The following FOCAD variants were observed in gnomAD, a reference collection of about 807,000 sequenced individuals.
The protein encoded by FOCAD is KIAA1797.
FOCAD carries 198 observed loss-of-function variants against 225.6 expected under a neutral mutation model. The observed-to-expected ratio is 0.88, with a 90% confidence interval of 0.78 to 0.99. The LOEUF (loss-of-function observed/expected upper bound fraction) is 0.99. Ranked by LOEUF, FOCAD falls within the 50% of genes least tolerant of loss-of-function variation. FOCAD has a pLI of 0.00. For synonymous variants in FOCAD, 897 were observed against 755.0 expected, an observed-to-expected ratio of 1.19 and a Z score of -3.08; for missense variants, 2,713 against 2,123.6, an observed-to-expected ratio of 1.28 and a Z score of -5.46.
chr9:20,903,592 C>T (rs1405267374), intron 21 of FOCAD, among the ~76,000 whole-genome samples: 2 of 151,820 alleles, frequency 1.3e-5, no homozygotes, highest in South Asian at 4.2e-4. Context: ...TCTCTGGGTC[C>T]CCGTTAATTC....
At chr9:20,923,816 G>C in intron 25 of FOCAD, 48 bp downstream of exon 25, 1 of 1,469,532 alleles carries the variant, frequency 6.8e-7, no homozygotes, top group South Asian at 1.2e-5. Flanking sequence ...GTCTTTTTAA[G>C]CCTGGCTTTA....
At chr9:20,749,607 A>T (rs542920974) in intron 5 of FOCAD, among the ~76,000 whole-genome samples, 626 of 152,288 alleles carry the variant, frequency 4.1e-3, no homozygotes, top group Non-Finnish European at 7.2e-3. Flanking sequence ...TAAAATGCAT[A>T]TTTGATGTAG....
intron 23 of FOCAD, 45 bp from the exon 24 acceptor site, chr9:20,916,848 C>T (rs772246568): frequency 3.2e-5 from 50 of 1,541,794 alleles, no homozygotes; most frequent in Non-Finnish European, 4.1e-5. Flanking sequence ...GGAATGATTT[C>T]TTGTTCTAAC....
chr9:20,866,917 T>TTTTTTTAACAAA lies in FOCAD; in HGVS notation c.2107-12_2107-11insTTTTTTAACAAA. ...TTTTTTTTTTTTTTTTTTTTTTTTT[T>TTTTTTTAACAAA]ACCCTATCTAGGACCCAATTGTAGC... On this transcript the variant is annotated splice_polypyrimidine_tract_variant and intron_variant, in intron 17 of 43. Transcript: ENST00000338382. 1.3e-6 allele frequency: 1 copy of TTTTTTTAACAAA among 764,970 alleles called. No individual in the cohort carries two copies. The highest frequency in any genetic ancestry group is 2.0e-6 in the Non-Finnish European group (1 of 498,466). 47.4% of individuals were successfully genotyped at this position (764,970 alleles called of 1,614,324 possible).
chr9:20,673,535 G>A (rs1822139586), intron 2 of FOCAD, among the ~76,000 whole-genome samples: 1 of 152,026 alleles, frequency 6.6e-6, no homozygotes, highest in Non-Finnish European at 1.5e-5. Flanking sequence ...TTATTTACTA[G>A]CTACTTGTAT....
At chr9:20,699,111 T>A (rs1016268799) in intron 1 of FOCAD, among the ~76,000 whole-genome samples, 1 of 152,210 alleles carries the variant, frequency 6.6e-6, no homozygotes, top group Non-Finnish European at 1.5e-5. Context: ...GGGAGACTTT[T>A]GTGGTTCTGG....
At chr9:20,877,122 A>G (rs1205518893) in intron 19 of FOCAD, among the ~76,000 whole-genome samples, 1 of 132,390 alleles carries the variant, frequency 7.6e-6, no homozygotes, top group South Asian at 2.3e-4. Flanking sequence ...CAATATTACT[A>G]ACTTAAACTA....
At chr9:20,887,643 A>C (rs189244399) in intron 21 of FOCAD, among the ~76,000 whole-genome samples, 1 of 152,354 alleles carries the variant, frequency 6.6e-6, no homozygotes, top group East Asian at 1.9e-4. Flanking sequence ...TTCTATAAAC[A>C]TTCTCATACA....
At chr9:20,933,164 A>C in intron 28 of FOCAD, 61 bp downstream of exon 28, 1 of 1,108,700 alleles carries the variant, frequency 9.0e-7, no homozygotes, top group South Asian at 1.3e-5. Context: ...CACTGCCATA[A>C]GTCTTGCATG....
intron 35 of FOCAD, among the ~76,000 whole-genome samples, chr9:20,966,141 C>T (rs1055233645): frequency 6.6e-6 from 1 of 152,094 alleles, no homozygotes; most frequent in Non-Finnish European, 1.5e-5. Context: ...CACTGTTTTA[C>T]ATTCTTGCAA....
chr9:20,745,536 C>A (rs1827975848), intron 5 of FOCAD, among the ~76,000 whole-genome samples: 1 of 152,050 alleles, frequency 6.6e-6, no homozygotes, highest in African/African-American at 2.4e-5. Flanking sequence ...TTGTAAGATG[C>A]CATTTTTCCC....
intron 35 of FOCAD, among the ~76,000 whole-genome samples, chr9:20,959,833 A>T (rs1425970474): frequency 6.6e-6 from 1 of 152,170 alleles, no homozygotes; most frequent in African/African-American, 2.4e-5. Flanking sequence ...GTCAAAAATC[A>T]GTTTGCTATA....
intron 15 of FOCAD, among the ~76,000 whole-genome samples, chr9:20,845,442 G>GATATATATATATCTATATATATATATAT (rs1826989468): frequency 8.2e-6 from 1 of 121,236 alleles, no homozygotes; most frequent in Non-Finnish European, 1.7e-5. Context: ...TCTTTTCCTC[G>GATATATATATATCTATATATATATATAT]ATATATATAT....
chr9:20,774,291 C>G lies in FOCAD; in HGVS notation c.906+4053C>G, dbSNP rs528811122. On this transcript the variant is annotated intron_variant, in intron 8 of 43. Transcript: ENST00000338382. ...TTCAGGATATTTTGTTTTTTGTTTC[C>G]AAGACTACAGGGGATGGTGTGTTCT... Among the ~76,000 whole-genome samples, 78 of 152,168 alleles carry G rather than the reference C, an allele frequency of 5.1e-4. No individual in the cohort carries two copies. In the South Asian group the frequency reaches 0.015, roughly 30 times the overall value.
chr9:20,928,655 T>C (rs1231748244), intron 26 of FOCAD, among the ~76,000 whole-genome samples: 3 of 152,202 alleles, frequency 2.0e-5, no homozygotes, highest in African/African-American at 4.8e-5. Flanking sequence ...TATTCATTTC[T>C]TTTCCCATAA....
chr9:20,987,844 G>GA (rs962088753), intron 40 of FOCAD, among the ~76,000 whole-genome samples: 6 of 152,098 alleles, frequency 3.9e-5, no homozygotes, highest in African/African-American at 1.4e-4. Flanking sequence ...AATTAAAAGG[G>GA]AAAAAAGTCA....
At chr9:20,660,184 A>G (rs1587167582) in intron 2 of FOCAD, among the ~76,000 whole-genome samples, 1 of 152,218 alleles carries the variant, frequency 6.6e-6, no homozygotes, top group East Asian at 1.9e-4. Context: ...CTTGTGAGCC[A>G]TCAGCAATAA....
chr9:20,984,243 A>C (rs931855762), intron 39 of FOCAD, among the ~76,000 whole-genome samples: 1 of 152,200 alleles, frequency 6.6e-6, no homozygotes, highest in African/African-American at 2.4e-5. Flanking sequence ...TTGCTTAACC[A>C]CTGTGCTTCA....
At chr9:20,821,647 T>A (rs950638690) in intron 14 of FOCAD, among the ~76,000 whole-genome samples, 1 of 152,008 alleles carries the variant, frequency 6.6e-6, no homozygotes, top group African/African-American at 2.4e-5. Flanking sequence ...ATAATACAAG[T>A]CAAGCTCTAC....
Sources: gnomAD v4.1 joint callset for allele counts (sites outside exome capture counted in the v4.1 genomes callset) on GRCh38, gnomAD v4.1.1 for gene constraint, MANE v1.5 for transcripts, NCBI Gene and HGNC (gene_info 2026-07-23, HGNC 2026-07-21) for gene names.